SLC39A10: variants seen among roughly 807,000 people sequenced by gnomAD.
SLC39A10 encodes the protein solute carrier family 39 member 10, also known as zinc transporter ZIP10.
Under a neutral mutation model 65.1 loss-of-function variants are expected in SLC39A10, and 13 were observed. That is an observed-to-expected ratio of 0.20 (90% confidence interval 0.13 to 0.32). The LOEUF (loss-of-function observed/expected upper bound fraction) is 0.32, where lower values mean the gene tolerates loss of function less well. Among genes scored for constraint, SLC39A10 ranks in the 10% least tolerant of loss-of-function variants. The pLI is 1.00. For synonymous variants in SLC39A10, 321 were observed against 342.2 expected, an observed-to-expected ratio of 0.94 and a Z score of 0.68; for missense variants, 831 against 1,018.4, an observed-to-expected ratio of 0.82 and a Z score of 2.50.
intron 3 of SLC39A10, among the ~76,000 whole-genome samples, chr2:195,688,902 C>T (rs1004633720): frequency 6.6e-6 from 1 of 152,124 alleles, no homozygotes; most frequent in Non-Finnish European, 1.5e-5. Context: ...CTGCCTCTAT[C>T]CTAATTAGCT....
chr2:195,661,695 T>C (rs1275555117), intron 1 of SLC39A10, among the ~76,000 whole-genome samples: 1 of 152,218 alleles, frequency 6.6e-6, no homozygotes, highest in Non-Finnish European at 1.5e-5. Flanking sequence ...GATTGCCAGA[T>C]ACAAGGAGTG....
intron 2 of SLC39A10, among the ~76,000 whole-genome samples, chr2:195,616,914 T>C (rs930005340): frequency 1.3e-5 from 2 of 152,202 alleles, no homozygotes; most frequent in African/African-American, 4.8e-5. Context: ...GGAAAATCTT[T>C]TGTTAAAGAG....
At chr2:195,729,218 G>A (rs1692349685) in intron 9 of SLC39A10, among the ~76,000 whole-genome samples, 3 of 152,042 alleles carry the variant, frequency 2.0e-5, no homozygotes, top group African/African-American at 7.2e-5. Flanking sequence ...CTGGGCCCAA[G>A]CAGTCTTCCT....
At chr2:195,613,284 CA>C (rs930579490) in intron 2 of SLC39A10, among the ~76,000 whole-genome samples, 39 of 152,134 alleles carry the variant, frequency 2.6e-4, no homozygotes, top group African/African-American at 9.4e-4. Flanking sequence ...CTTTTTAGCT[CA>C]AAAGGAGAAT....
At chr2:195,656,363 CA>C (rs1689143748), upstream of SLC39A10, among the ~76,000 whole-genome samples, 1 of 152,004 alleles carries the variant, frequency 6.6e-6, no homozygotes, top group South Asian at 2.1e-4. Context: ...ATGGCGTGAG[CA>C]AAGGGCAAGA....
chr2:195,735,944 C>T lies in SLC39A10; in HGVS notation c.*903C>T, dbSNP rs775769162. The T allele has an allele frequency of 9.2e-5, 14 of 151,686 alleles. No individual in the cohort carries two copies. The highest frequency in any genetic ancestry group is 2.1e-4 in the Non-Finnish European group (14 of 67,958). The allele number at this position is 151,686 out of a possible 1,614,324, so 9.4% of individuals were successfully genotyped here. A position where few individuals can be genotyped will look rare whatever the true frequency, so the allele number is the denominator to read the frequency against. On this transcript the variant is annotated 3_prime_UTR_variant, in exon 10 of 10. Coordinates refer to ENST00000359634, the MANE Select transcript of SLC39A10 (RefSeq NM_020342.3). ...AGTTGATTTTCCTATTTTAACAGTA[C>T]CAACTAGTTAATTGGGAAATGTAAG...
intron 3 of SLC39A10, among the ~76,000 whole-genome samples, chr2:195,703,193 G>A (rs1053947843): frequency 2.6e-5 from 4 of 152,130 alleles, no homozygotes; most frequent in African/African-American, 7.2e-5. Flanking sequence ...GATTATTAAA[G>A]TTTTTTCTAG....
At chr2:195,714,343 C>A (rs1184684842) in intron 6 of SLC39A10, among the ~76,000 whole-genome samples, 2 of 152,144 alleles carry the variant, frequency 1.3e-5, no homozygotes, top group Non-Finnish European at 2.9e-5. Flanking sequence ...AAAATCTATT[C>A]TTCATAAATT....
upstream of SLC39A10, chr2:195,656,630 C>A (rs1689150062): frequency 6.6e-6 from 1 of 152,154 alleles, no homozygotes; most frequent in African/African-American, 2.4e-5. Context: ...CAAAACACCT[C>A]GCACTTAGCA....
chr2:195,617,786 C>T (rs1307533267), intron 2 of SLC39A10, among the ~76,000 whole-genome samples: 2 of 140,234 alleles, frequency 1.4e-5, no homozygotes, highest in Non-Finnish European at 3.1e-5. Context: ...GTCTACCAGG[C>T]TGGAGTGCAG....
At position 195,736,695 on chromosome 2, in the gene SLC39A10, A is replaced by T. The variant is rs529246377; in HGVS notation, c.*1654A>T. 2 of 152,404 alleles carry T rather than the reference A, an allele frequency of 1.3e-5. No homozygotes were observed. Among genetic ancestry groups the T allele is most frequent in the Admixed American group, 1.3e-4 (2 of 15,294 alleles). 9.4% of individuals were successfully genotyped at this position (152,404 alleles called of 1,614,324 possible). A position where few individuals can be genotyped will look rare whatever the true frequency, so the allele number is the denominator to read the frequency against. ...TGTTATTTCTTTAATTTATGCTTGA[A>T]TCTGAAAAATTATTTCTGACTTACT... On this transcript the variant is annotated 3_prime_UTR_variant, in exon 10 of 10. Coordinates refer to ENST00000359634, the MANE Select transcript of SLC39A10 (RefSeq NM_020342.3).
At chr2:195,615,840 C>G (rs1478837564) in intron 2 of SLC39A10, among the ~76,000 whole-genome samples, 1 of 152,214 alleles carries the variant, frequency 6.6e-6, no homozygotes, top group Non-Finnish European at 1.5e-5. Flanking sequence ...CTACTTCGCT[C>G]TAAATCCTAT....
At chr2:195,688,897 T>C (rs1690622473) in intron 3 of SLC39A10, among the ~76,000 whole-genome samples, 1 of 152,242 alleles carries the variant, frequency 6.6e-6, no homozygotes, top group African/African-American at 2.4e-5. Context: ...CCTGTCTGCC[T>C]CTATCCTAAT....
At chr2:195,727,917 T>C (rs921612536) in intron 8 of SLC39A10, among the ~76,000 whole-genome samples, 1 of 152,166 alleles carries the variant, frequency 6.6e-6, no homozygotes, top group African/African-American at 2.4e-5. Context: ...TATTATAGTT[T>C]TGTCTGTTTC....
intron 1 of SLC39A10, among the ~76,000 whole-genome samples, chr2:195,676,815 C>CT (rs1324646653): frequency 6.6e-6 from 1 of 152,182 alleles, no homozygotes. Flanking sequence ...AACTAAACAG[C>CT]TACCAGGATT....
Position 195,628,249 on chromosome 2 carries a change from A to G in SLC39A10, c.-12+22016A>G, listed in dbSNP as rs1039899708. Among the ~76,000 whole-genome samples the G allele has an allele frequency of 5.3e-5, 8 of 152,334 alleles. No homozygotes were observed. In the South Asian group the frequency reaches 1.2e-3, roughly 24 times the overall value. On this transcript the variant is annotated intron_variant, in intron 2 of 2. Transcript: ENST00000458054. ...TATGAAATTCTCCAAAAACATTCATATATCACAGTTGCTCCATGGAGAGTG... is the reference window on the plus strand; with the variant it reads ...TATGAAATTCTCCAAAAACATTCATGTATCACAGTTGCTCCATGGAGAGTG...
intron 1 of SLC39A10, among the ~76,000 whole-genome samples, chr2:195,674,806 G>C (rs189243027): frequency 1.1e-3 from 150 of 142,694 alleles, no homozygotes; most frequent in African/African-American, 3.8e-3. Context: ...GTTGCTTCTA[G>C]GCTACAAACC....
chr2:195,631,592 C>T (rs1217328284), intron 2 of SLC39A10, among the ~76,000 whole-genome samples: 1 of 152,042 alleles, frequency 6.6e-6, no homozygotes, highest in African/African-American at 2.4e-5. Context: ...TCATTTGCAA[C>T]AGAGATGTGG....
chr2:195,653,443 C>T (rs188412869), upstream of SLC39A10, among the ~76,000 whole-genome samples: 16 of 151,912 alleles, frequency 1.1e-4, no homozygotes, highest in Admixed American at 1.1e-3. Context: ...TACAGGTGCC[C>T]GCCACCATGC....
Sources: allele counts gnomAD v4.1 joint callset (sites outside exome capture counted in the v4.1 genomes callset), GRCh38; gene constraint gnomAD v4.1.1; transcripts MANE v1.5; gene names NCBI Gene and HGNC (gene_info 2026-07-23, HGNC 2026-07-21).